Variants in SSR1 observed in about 807,000 individuals in gnomAD.
SSR1 encodes the protein translocon-associated protein subunit alpha.
Under a neutral mutation model 36.1 loss-of-function variants are expected in SSR1, and 13 were observed. The observed-to-expected ratio is 0.36, with a 90% confidence interval of 0.23 to 0.57. SSR1 has a LOEUF of 0.57. Ranked by LOEUF, SSR1 falls within the 20% of genes least tolerant of loss-of-function variation. The pLI is 0.81. For missense variants in SSR1, 291 were observed against 338.5 expected (o/e 0.86, Z 1.10); for synonymous variants, 113 against 118.9 (o/e 0.95, Z 0.32).
At chr6:7,295,160 C>T (rs1258213924) in intron 7 of SSR1, 21 of 1,493,538 alleles carry the variant, frequency 1.4e-5, no homozygotes, top group East Asian at 2.5e-5. Context: ...AAAATTCACA[C>T]ATTCATAAAT....
chr6:7,298,991 C>T (rs1402607389), intron 4 of SSR1, 168 bp from the exon 5 acceptor site: 1 of 596,498 alleles, frequency 1.7e-6, no homozygotes, highest in South Asian at 2.1e-5. Flanking sequence ...AGGGACTCAA[C>T]ATTGTTATTT....
At chr6:7,312,504 G>GCAGATGACCATTGAACAAGA (rs1758222368) in intron 1 of SSR1, among the ~76,000 whole-genome samples, 1 of 152,172 alleles carries the variant, frequency 6.6e-6, no homozygotes. Flanking sequence ...CGTGAACAAG[G>GCAGATGACCATTGAACAAGA]CAGATGACCA....
At chr6:7,293,851 G>A (rs1015681613) in intron 7 of SSR1, among the ~76,000 whole-genome samples, 2 of 152,198 alleles carry the variant, frequency 1.3e-5, no homozygotes, top group Admixed American at 6.5e-5. Flanking sequence ...GGTCAACTAT[G>A]AATATGTATA....
At chr6:7,290,974 T>TGA (rs1267608394) in intron 7 of SSR1, among the ~76,000 whole-genome samples, 22 of 150,322 alleles carry the variant, frequency 1.5e-4, no homozygotes, top group African/African-American at 5.4e-4. Context: ...GCTCTCCACC[T>TGA]CCTGGGTTTA....
chr6:7,301,951 G>T (rs774840686), intron 3 of SSR1, among the ~76,000 whole-genome samples: 1 of 152,098 alleles, frequency 6.6e-6, no homozygotes, highest in Non-Finnish European at 1.5e-5. Flanking sequence ...GTAAATAGAA[G>T]AATGAAGAAA....
Position 7,310,106 on chromosome 6 carries a change from C to CA in SSR1, c.80-78dup, listed in dbSNP as rs57464827. The CA allele has an allele frequency of 1.8e-4, 201 of 1,103,476 alleles. No individual in the cohort carries two copies. The East Asian group carries it at 3.1e-3, about 17-fold the overall frequency. The allele number at this position is 1,103,476 out of a possible 1,614,324, so 68.4% of individuals were successfully genotyped here. On this transcript the variant is annotated intron_variant, in intron 1 of 7. Coordinates refer to ENST00000244763, the MANE Select transcript of SSR1 (RefSeq NM_003144.5). ...TTCTTTTTTTAACATCAGGTATAGG[C>CA]AAAAAAAACTTCCCTTGGACTAACA...
At chr6:7,312,631 G>A (rs1342203698) in intron 1 of SSR1, among the ~76,000 whole-genome samples, 2 of 152,236 alleles carry the variant, frequency 1.3e-5, no homozygotes, top group South Asian at 2.1e-4. Flanking sequence ...GCGAGGGGCT[G>A]GGGGTGGAGC....
chr6:7,304,166 T>C (rs1005961051), intron 2 of SSR1, among the ~76,000 whole-genome samples: 1 of 152,214 alleles, frequency 6.6e-6, no homozygotes, highest in Non-Finnish European at 1.5e-5. Context: ...AAGCCTATCA[T>C]TCTCTTTCTA....
intron 4 of SSR1, among the ~76,000 whole-genome samples, chr6:7,299,916 G>A (rs1757897068): frequency 6.6e-6 from 1 of 152,022 alleles, no homozygotes; most frequent in Non-Finnish European, 1.5e-5. Context: ...AATTATGTAA[G>A]TTTTACTTCA....
intron 7 of SSR1, among the ~76,000 whole-genome samples, chr6:7,293,290 C>T (rs1757722912): frequency 6.6e-6 from 1 of 151,980 alleles, no homozygotes; most frequent in Non-Finnish European, 1.5e-5. Flanking sequence ...CTGGCGCATC[C>T]ATCACCCAAG....
chr6:7,291,891 G>T (rs1757689359), intron 7 of SSR1, among the ~76,000 whole-genome samples: 1 of 151,974 alleles, frequency 6.6e-6, no homozygotes, highest in Non-Finnish European at 1.5e-5. Flanking sequence ...GGGCAACATG[G>T]TGAAACCCCC....
chr6:7,298,109 G>A, intron 5 of SSR1, 108 bp from the exon 6 acceptor site: 1 of 802,768 alleles, frequency 1.2e-6, no homozygotes, highest in Non-Finnish European at 1.9e-6. Flanking sequence ...ATAACTTGTG[G>A]CGAAAAGGAA....
rs986703490 is a variant in SSR1 at position 7,283,658 on chromosome 6, G to A, written c.*6206C>T. 6.6e-6 allele frequency: 1 copy of A among 152,418 alleles called. No homozygotes were observed. Among genetic ancestry groups the A allele is most frequent in the Non-Finnish European group, 1.5e-5 (1 of 68,212 alleles). The allele number at this position is 152,418 out of a possible 1,614,324, so 9.4% of individuals were successfully genotyped here. A position where few individuals can be genotyped will look rare whatever the true frequency, so the allele number is the denominator to read the frequency against. ...AGCCTCCCAAAGTGCTGGAATTACA[G>A]GAGTGAGCCACCATGCCCTGCCCAG... On this transcript the variant is annotated 3_prime_UTR_variant, in exon 8 of 8. Coordinates refer to ENST00000244763, the MANE Select transcript of SSR1 (RefSeq NM_003144.5).
intron 3 of SSR1, among the ~76,000 whole-genome samples, chr6:7,303,191 TAAAGAAGTTTTA>T (rs1277411641): frequency 1.4e-5 from 2 of 146,044 alleles, no homozygotes; most frequent in African/African-American, 5.1e-5. Context: ...TGTGGCAGTT[TAAAGAAGTTTTA>T]AAACATCATC....
rs1273000134 is a variant in SSR1, at chr6:7,306,953, A to AAG, written c.192+2963_192+2964insCT. On this transcript the variant is annotated intron_variant, in intron 2 of 7. Transcript: ENST00000244763. ...GGTGGGGGAAAGCCCAAGGTGACTT[A>AAG]AAAAAAAAAAAAAGGTTTGTCCTCA... 2.8e-4 allele frequency among the ~76,000 whole-genome samples: 7 copies of AAG among 25,046 alleles called. No individual in the cohort carries two copies. In the African/African-American group the frequency reaches 8.7e-3, roughly 31 times the overall value. The allele number at this position is 25,046 out of a possible 152,430, so 16.4% of individuals were successfully genotyped here.
Position 7,284,121 on chromosome 6 carries a change from T to C in SSR1, c.*5743A>G, listed in dbSNP as rs1757493724. On this transcript the variant is annotated 3_prime_UTR_variant, in exon 8 of 8. Transcript: ENST00000244763. ...TGGGTGATCAGACCAATATGGTTTCTGAAAAAACTGTTCAGAAATAGACTA... is the reference window on the plus strand; with the variant it reads ...TGGGTGATCAGACCAATATGGTTTCCGAAAAAACTGTTCAGAAATAGACTA... 1 of 152,250 alleles carries C rather than the reference T, an allele frequency of 6.6e-6. No individual in the cohort carries two copies. Among genetic ancestry groups the C allele is most frequent in the Non-Finnish European group, 1.5e-5 (1 of 68,042 alleles). The allele number at this position is 152,250 out of a possible 1,614,324, so 9.4% of individuals were successfully genotyped here.
chr6:7,306,709 G>A (rs1206351135), intron 2 of SSR1, among the ~76,000 whole-genome samples: 1 of 151,454 alleles, frequency 6.6e-6, no homozygotes, highest in Non-Finnish European at 1.5e-5. Flanking sequence ...GAGGTCAGGA[G>A]ATCGAGACCA....
intron 2 of SSR1, among the ~76,000 whole-genome samples, chr6:7,308,965 C>A (rs1376990134): frequency 1.3e-5 from 2 of 152,186 alleles, no homozygotes; most frequent in African/African-American, 4.8e-5. Flanking sequence ...AGGTCCAGTG[C>A]TATTTCTACT....
At chr6:7,295,304 GAA>G (rs1313120908) in intron 7 of SSR1, 86 bp downstream of exon 7, 1 of 1,245,960 alleles carries the variant, frequency 8.0e-7, no homozygotes, top group Non-Finnish European at 1.1e-6. Flanking sequence ...AAATAGTACT[GAA>G]AAAGTTTTTT....
Sources: allele counts gnomAD v4.1 joint callset (sites outside exome capture counted in the v4.1 genomes callset), GRCh38; gene constraint gnomAD v4.1.1; transcripts MANE v1.5; gene names NCBI Gene and HGNC (gene_info 2026-07-23, HGNC 2026-07-21).